The following UNC5C variants were observed in gnomAD, a reference collection of about 807,000 sequenced individuals.
UNC5C encodes the protein unc-5 netrin receptor C.
UNC5C carries 47 observed loss-of-function variants against 99.8 expected under a neutral mutation model. The observed-to-expected ratio is 0.47, with a 90% CI of 0.37 to 0.60. UNC5C has a LOEUF of 0.60. Ranked by LOEUF, UNC5C falls within the 20% of genes least tolerant of loss-of-function variation. The pLI, the probability that UNC5C is intolerant of heterozygous loss-of-function variation, is 0.00. For missense variants in UNC5C, 1,062 were observed against 1,165.9 expected (o/e 0.91, Z 1.30); for synonymous variants, 487 against 452.2 (o/e 1.08, Z -0.98).
intron 1 of UNC5C, among the ~76,000 whole-genome samples, chr4:95,462,195 A>G (rs1486733861): frequency 2.0e-5 from 3 of 152,126 alleles, no homozygotes; most frequent in African/African-American, 4.8e-5. Flanking sequence ...CTCTTTCTAA[A>G]TATCTTCTGT....
intron 10 of UNC5C, among the ~76,000 whole-genome samples, chr4:95,208,688 T>A (rs1176911810): frequency 6.6e-6 from 1 of 152,196 alleles, no homozygotes; most frequent in Non-Finnish European, 1.5e-5. Flanking sequence ...CTGATATCAA[T>A]ACTTTGAGCT....
intron 1 of UNC5C, among the ~76,000 whole-genome samples, chr4:95,444,696 A>T (rs1297836645): frequency 6.6e-6 from 1 of 152,180 alleles, no homozygotes; most frequent in African/African-American, 2.4e-5. Context: ...TACCGTAGGT[A>T]CAACACAGTA....
At chr4:95,296,403 A>AAAAGCCATGAAGT (rs1427692884) in intron 3 of UNC5C, among the ~76,000 whole-genome samples, 2 of 152,196 alleles carry the variant, frequency 1.3e-5, no homozygotes, top group African/African-American at 4.8e-5. Context: ...AAATAGATTG[A>AAAAGCCATGAAGT]AAAGCCATGA....
intron 12 of UNC5C, among the ~76,000 whole-genome samples, chr4:95,186,583 T>G (rs1462308227): frequency 6.6e-6 from 1 of 152,212 alleles, no homozygotes; most frequent in Non-Finnish European, 1.5e-5. Context: ...GTGAGGCAAC[T>G]ATTCTGAACC....
intron 7 of UNC5C, among the ~76,000 whole-genome samples, chr4:95,240,307 T>G (rs994449142): frequency 6.6e-6 from 1 of 152,158 alleles, no homozygotes; most frequent in Non-Finnish European, 1.5e-5. Flanking sequence ...TACAAGACTT[T>G]GGCAGTAATG....
At chr4:95,452,359 C>T (rs909993044) in intron 1 of UNC5C, among the ~76,000 whole-genome samples, 1 of 151,994 alleles carries the variant, frequency 6.6e-6, no homozygotes, top group African/African-American at 2.4e-5. Flanking sequence ...TTCAGCTGCA[C>T]CTCTGTCACT....
intron 10 of UNC5C, among the ~76,000 whole-genome samples, chr4:95,210,714 T>A (rs1738046695): frequency 6.6e-6 from 1 of 152,182 alleles, no homozygotes; most frequent in African/African-American, 2.4e-5. Context: ...CCAACAAGGA[T>A]AATATTCCAG....
intron 1 of UNC5C, among the ~76,000 whole-genome samples, chr4:95,352,176 T>C (rs1486394050): frequency 6.6e-6 from 1 of 152,102 alleles, no homozygotes; most frequent in African/African-American, 2.4e-5. Flanking sequence ...GAAATCAGAC[T>C]CCTTACTAAG....
At chr4:95,473,078 A>G (rs574243580) in intron 1 of UNC5C, among the ~76,000 whole-genome samples, 2 of 152,262 alleles carry the variant, frequency 1.3e-5, no homozygotes, top group African/African-American at 4.8e-5. Flanking sequence ...TTTGGAATTT[A>G]ACTCCTAATG....
chr4:95,408,675 G>C (rs1219668290), intron 1 of UNC5C, among the ~76,000 whole-genome samples: 1 of 152,060 alleles, frequency 6.6e-6, no homozygotes, highest in African/African-American at 2.4e-5. Context: ...TTTGTGCTTA[G>C]GGCACTGAAA....
intron 1 of UNC5C, among the ~76,000 whole-genome samples, chr4:95,419,976 A>G (rs1578152720): frequency 6.6e-6 from 1 of 152,322 alleles, no homozygotes; most frequent in East Asian, 1.9e-4. Context: ...ATCTTATAAC[A>G]CAATACTTCC....
At chr4:95,391,187 C>G (rs1230710771) in intron 1 of UNC5C, among the ~76,000 whole-genome samples, 1 of 152,174 alleles carries the variant, frequency 6.6e-6, no homozygotes, top group African/African-American at 2.4e-5. Context: ...GTCCATTAAA[C>G]CTTTTCTTCT....
chr4:95,449,992 G>T (rs936155986), intron 1 of UNC5C, among the ~76,000 whole-genome samples: 4 of 152,028 alleles, frequency 2.6e-5, no homozygotes, highest in Non-Finnish European at 5.9e-5. Flanking sequence ...CAGCAGGGAC[G>T]AACAATCCCT....
Position 95,180,857 on chromosome 4 carries a change from C to G in UNC5C, c.2451+2040G>C, listed in dbSNP as rs530772948. 2.0e-5 allele frequency among the ~76,000 whole-genome samples: 3 copies of G among 152,286 alleles called. No homozygotes were observed. The East Asian group carries it at 5.8e-4, about 29-fold the overall frequency. On this transcript the variant is annotated intron_variant, in intron 14 of 15. Transcript: ENST00000453304. ...TGTGACCCTAGGAAGGAGCCCTGTT[C>G]AGAAGAAAGAAACCACAAATGGAGC...
In UNC5C at chr4:95,317,279, A is replaced by G. The variant is rs566979398; in HGVS notation, c.347-15530T>C. ...TGAATCTCAATGTGCAGGAAAAGGCATAATGGCTGTTTAGCACTTGCTAGG... is the reference window on the plus strand; with the variant it reads ...TGAATCTCAATGTGCAGGAAAAGGCGTAATGGCTGTTTAGCACTTGCTAGG... On this transcript the variant is annotated intron_variant, in intron 2 of 15. Transcript: ENST00000453304. 4.3e-4 allele frequency among the ~76,000 whole-genome samples: 65 copies of G among 152,330 alleles called. 1 individual carries two copies. The highest frequency in any genetic ancestry group is 1.5e-3 in the African/African-American group (64 of 41,580).
intron 1 of UNC5C, among the ~76,000 whole-genome samples, chr4:95,416,819 C>G (rs1301762953): frequency 6.6e-6 from 1 of 152,126 alleles, no homozygotes; most frequent in Non-Finnish European, 1.5e-5. Flanking sequence ...CAATGTAAAG[C>G]TGTTTGAAAG....
Position 95,170,245 on chromosome 4 carries a change from G to A in UNC5C, c.2539C>T (p.Pro847Ser), listed in dbSNP as rs1383857833. 6.2e-7 allele frequency: 1 copy of A among 1,614,146 alleles called. No individual in the cohort carries two copies. The highest frequency in any genetic ancestry group is 1.1e-5 in the South Asian group (1 of 91,078). ...TGPSAFSIPL[P>S]IRQKLCSSLD... ...CTGCTACAGAGCTTCTGCCGGATAG[G>A]GAGAGGGATGCTGAAAGCACTGGGC... Residue 847 changes from proline (P) to serine (S), a missense_variant, in exon 15 of 16, where the codon CCT becomes TCT. Pro to Ser is a moderately conservative substitution (Grantham distance 74, BLOSUM62 -1). Transcript: ENST00000453304.
intron 4 of UNC5C, among the ~76,000 whole-genome samples, chr4:95,264,381 T>C (rs1443663026): frequency 6.6e-6 from 1 of 152,204 alleles, no homozygotes; most frequent in African/African-American, 2.4e-5. Context: ...CGTAGGCTTG[T>C]TGAGACCCTG....
At chr4:95,191,797 T>C (rs1443038630) in intron 12 of UNC5C, among the ~76,000 whole-genome samples, 2 of 134,468 alleles carry the variant, frequency 1.5e-5, no homozygotes, top group East Asian at 5.0e-4. Flanking sequence ...CTTCCTCCCT[T>C]CTCACCTTCT....
Sources: gnomAD v4.1 joint callset for allele counts (sites outside exome capture counted in the v4.1 genomes callset) on GRCh38, gnomAD v4.1.1 for gene constraint, MANE v1.5 for transcripts, NCBI Gene and HGNC (gene_info 2026-07-23, HGNC 2026-07-21) for gene names.